The following FGGY variants were observed in gnomAD, a reference collection of about 807,000 sequenced individuals.
FGGY encodes the protein FGGY carbohydrate kinase domain-containing protein.
FGGY carries 72 observed loss-of-function variants against 71.3 expected under a neutral mutation model. The observed-to-expected ratio is 1.01, with a 90% CI of 0.84 to 1.23. FGGY has a LOEUF of 1.23. Ranked by LOEUF, FGGY falls within the 50% of genes most tolerant of loss-of-function variation. FGGY has a pLI of 0.00. For missense variants in FGGY, 668 were observed against 682.3 expected, an observed-to-expected ratio of 0.98 and a Z score of 0.23; for synonymous variants, 251 against 250.3, an observed-to-expected ratio of 1.00 and a Z score of -0.02.
intron 11 of FGGY, 78 bp from the exon 12 acceptor site, chr1:59,660,141 C>T (rs1212579353): frequency 1.0e-5 from 13 of 1,280,430 alleles, no homozygotes; most frequent in Middle Eastern, 3.7e-4. Context: ...CACATCTGAA[C>T]GTATTTCATG....
intron 11 of FGGY, among the ~76,000 whole-genome samples, chr1:59,653,335 G>A (rs966307104): frequency 3.3e-4 from 50 of 152,224 alleles, no homozygotes; most frequent in Non-Finnish European, 1.0e-4. Flanking sequence ...GGCAATGGCG[G>A]GCGCCCCTCC....
In FGGY at chr1:59,410,955, CTTCT is replaced by C. The variant is rs2063520787; in HGVS notation, c.554+32127_554+32130del. ...TTCTGTGTCACTCTTCCCATCCCAA[CTTCT>C]TTCTTTCTCTCCTACCAACATCTTA... On this transcript the variant is annotated intron_variant, in intron 5 of 15. Coordinates refer to ENST00000303721, the MANE Select transcript of FGGY (RefSeq NM_018291.5). 2.6e-5 allele frequency among the ~76,000 whole-genome samples: 4 copies of C among 152,310 alleles called. No individual in the cohort carries two copies. The South Asian group carries it at 6.2e-4, about 24-fold the overall frequency.
chr1:59,296,510 C>G (rs892275018), upstream of FGGY: 4 of 152,426 alleles, frequency 2.6e-5, no homozygotes, highest in Non-Finnish European at 5.9e-5. Context: ...GCAGCGTAGC[C>G]GATCTTGGGT....
chr1:59,551,844 TC>T (rs2095612752), intron 7 of FGGY, among the ~76,000 whole-genome samples: 1 of 152,128 alleles, frequency 6.6e-6, no homozygotes, highest in Non-Finnish European at 1.5e-5. Flanking sequence ...TAAAAAGAGC[TC>T]AGTTAAAATG....
At chr1:59,569,955 T>C (rs1416214780) in intron 8 of FGGY, among the ~76,000 whole-genome samples, 5 of 152,164 alleles carry the variant, frequency 3.3e-5, no homozygotes, top group Non-Finnish European at 2.9e-5. Context: ...TTTACTCAAA[T>C]TGAAGGATCC....
At chr1:59,303,131 G>A (rs2043015164) in intron 1 of FGGY, among the ~76,000 whole-genome samples, 1 of 152,146 alleles carries the variant, frequency 6.6e-6, no homozygotes, top group African/African-American at 2.4e-5. Context: ...TTGGTGTGGT[G>A]AGAACACTTA....
At chr1:59,341,279 T>G (rs1248597419) in intron 3 of FGGY, among the ~76,000 whole-genome samples, 1 of 152,232 alleles carries the variant, frequency 6.6e-6, no homozygotes, top group Non-Finnish European at 1.5e-5. Context: ...GAAAAGTTTC[T>G]TCCATCAGAT....
In FGGY at chr1:59,549,029, T is replaced by C. The variant is rs570639167; in HGVS notation, c.800-5095T>C. 3.9e-5 allele frequency among the ~76,000 whole-genome samples: 6 copies of C among 152,342 alleles called. No homozygotes were observed. The South Asian group carries it at 1.2e-3, about 32-fold the overall frequency. On this transcript the variant is annotated intron_variant, in intron 7 of 15. Transcript: ENST00000303721. ...TACTAACTCAATATATTGTGTTCTGTTTAACATAAATGAATGTTAGTCAAA... is the reference window on the plus strand; with the variant it reads ...TACTAACTCAATATATTGTGTTCTGCTTAACATAAATGAATGTTAGTCAAA...
In FGGY at chr1:59,683,052, G is replaced by A. The variant is rs574091319; in HGVS notation, c.1512+8919G>A. 2.0e-5 allele frequency among the ~76,000 whole-genome samples: 3 copies of A among 152,282 alleles called. No individual in the cohort carries two copies. The South Asian group carries it at 6.2e-4, about 32-fold the overall frequency. ...CTAGATTCCTTGCTCTGTAGGTAAT[G>A]ATAAAAACGCTGGAATCCCTTTCCT... On this transcript the variant is annotated intron_variant, in intron 14 of 15. Transcript: ENST00000303721.
At chr1:59,645,535 C>A (rs2097085386) in intron 11 of FGGY, among the ~76,000 whole-genome samples, 1 of 152,144 alleles carries the variant, frequency 6.6e-6, no homozygotes, top group Non-Finnish European at 1.5e-5. Flanking sequence ...TTGTTCAAGT[C>A]CTTGGCCCTC....
At chr1:59,492,402 G>A (rs958567276) in intron 6 of FGGY, among the ~76,000 whole-genome samples, 1 of 152,112 alleles carries the variant, frequency 6.6e-6, no homozygotes, top group African/African-American at 2.4e-5. Context: ...GTACTTGTAC[G>A]GTGATCTGGA....
intron 7 of FGGY, among the ~76,000 whole-genome samples, chr1:59,546,823 G>A (rs1441758219): frequency 6.6e-6 from 1 of 151,836 alleles, no homozygotes; most frequent in Non-Finnish European, 1.5e-5. Flanking sequence ...GGGATTACAG[G>A]CGTGAGCTAC....
At chr1:59,450,516 C>G (rs1325755285) in intron 5 of FGGY, among the ~76,000 whole-genome samples, 1 of 152,024 alleles carries the variant, frequency 6.6e-6, no homozygotes, top group African/African-American at 2.4e-5. Flanking sequence ...CTTCTCCCTC[C>G]TCCTATATGA....
chr1:59,508,243 A>G (rs903251187), intron 6 of FGGY, among the ~76,000 whole-genome samples: 1 of 152,138 alleles, frequency 6.6e-6, no homozygotes, highest in Non-Finnish European at 1.5e-5. Context: ...ACATGGCCCT[A>G]AGAGTCTTAG....
At chr1:59,582,552 G>A (rs761561155) in intron 8 of FGGY, among the ~76,000 whole-genome samples, 15 of 149,412 alleles carry the variant, frequency 1.0e-4, no homozygotes, top group Non-Finnish European at 2.1e-4. Flanking sequence ...TCTGCCTATA[G>A]CACCCTTCCC....
intron 8 of FGGY, among the ~76,000 whole-genome samples, chr1:59,557,853 G>A (rs642816): frequency 8.6e-4 from 131 of 152,274 alleles, no homozygotes; most frequent in African/African-American, 3.0e-3. Flanking sequence ...ACAGGACCCT[G>A]GGGGGGTCGG....
chr1:59,638,446 G>A (rs2096984667), intron 11 of FGGY, 71 bp downstream of exon 11: 2 of 1,567,526 alleles, frequency 1.3e-6, no homozygotes, highest in Admixed American at 1.9e-5. Flanking sequence ...AAGAAGCAAA[G>A]TGAGGAAAAA....
chr1:59,360,820 C>T (rs77403099), intron 4 of FGGY, among the ~76,000 whole-genome samples: 3,745 of 152,184 alleles, frequency 0.025, 176 homozygotes, highest in African/African-American at 0.086. Flanking sequence ...GCTTTTTAAT[C>T]GTCCGGAAGA....
chr1:59,451,592 T>C (rs2072744681), intron 5 of FGGY, among the ~76,000 whole-genome samples: 1 of 152,108 alleles, frequency 6.6e-6, no homozygotes, highest in Non-Finnish European at 1.5e-5. Context: ...AGGGTCTCAG[T>C]GTCTACTGGT....
Sources: allele counts gnomAD v4.1 joint callset (sites outside exome capture counted in the v4.1 genomes callset), GRCh38; gene constraint gnomAD v4.1.1; transcripts MANE v1.5; gene names NCBI Gene and HGNC (gene_info 2026-07-23, HGNC 2026-07-21).